The following PRKG2 variants were observed in gnomAD, a reference collection of about 807,000 sequenced individuals.
The protein encoded by PRKG2 is cGMP-dependent protein kinase 2.
PRKG2 carries 33 observed loss-of-function variants against 97.2 expected under a neutral mutation model. That is an observed-to-expected ratio of 0.34 (90% CI 0.26 to 0.45). The LOEUF is 0.45. Ranked by LOEUF, PRKG2 falls within the 20% of genes least tolerant of loss-of-function variation. The pLI, the probability that PRKG2 is intolerant of heterozygous loss-of-function variation, is 1.00. For synonymous variants in PRKG2, 330 were observed against 321.8 expected (o/e 1.03, Z -0.27); for missense variants, 638 against 900.0 (o/e 0.71, Z 3.73).
At chr4:81,133,857 T>TA (rs58792399) in intron 14 of PRKG2, among the ~76,000 whole-genome samples, 27,556 of 151,590 alleles carry the variant, frequency 0.18, 2,966 homozygotes, top group East Asian at 0.44. Context: ...TATTTTTTTT[T>TA]AAAAATAGCT....
At chr4:81,147,400 A>G (rs987777941) in intron 9 of PRKG2, among the ~76,000 whole-genome samples, 11 of 152,184 alleles carry the variant, frequency 7.2e-5, no homozygotes, top group African/African-American at 2.7e-4. Context: ...TATATTTTCC[A>G]TTTGAGAGTT....
At chr4:81,188,215 C>A (rs532831999) in intron 2 of PRKG2, among the ~76,000 whole-genome samples, 1 of 150,620 alleles carries the variant, frequency 6.6e-6, no homozygotes, top group African/African-American at 2.5e-5. Context: ...GGGTGAAGGA[C>A]ATGAACAGAC....
chr4:81,119,674 T>C (rs1487043689), intron 14 of PRKG2, among the ~76,000 whole-genome samples: 1 of 149,430 alleles, frequency 6.7e-6, no homozygotes, highest in Non-Finnish European at 1.5e-5. Context: ...TGAAACTGAA[T>C]TGAATTTTTT....
chr4:81,181,475 A>AAAAAG (rs57202403), intron 2 of PRKG2, among the ~76,000 whole-genome samples: 36,065 of 151,496 alleles, frequency 0.24, 8,334 homozygotes, highest in African/African-American at 0.59. Context: ...AAAAGACTAG[A>AAAAAG]AAAAGTAAGT....
chr4:81,116,278 A>G (rs1744509868), intron 14 of PRKG2, among the ~76,000 whole-genome samples: 1 of 152,186 alleles, frequency 6.6e-6, no homozygotes, highest in Non-Finnish European at 1.5e-5. Flanking sequence ...AAGTGAGAAC[A>G]TGCAGTATTT....
chr4:81,158,289 GACAA>G (rs1320051796), intron 6 of PRKG2, among the ~76,000 whole-genome samples: 5 of 147,568 alleles, frequency 3.4e-5, no homozygotes, highest in African/African-American at 1.3e-4. Context: ...ACCAACAACA[GACAA>G]ACAGAGAGCC....
At chr4:81,099,064 C>T (rs570131873) in intron 17 of PRKG2, among the ~76,000 whole-genome samples, 5 of 152,258 alleles carry the variant, frequency 3.3e-5, no homozygotes, top group South Asian at 2.1e-4. Flanking sequence ...TGTCATTGTA[C>T]CTTACAAGTA....
chr4:81,170,304 TGAAA>T (rs1460928403), intron 4 of PRKG2, among the ~76,000 whole-genome samples: 1 of 152,100 alleles, frequency 6.6e-6, no homozygotes, highest in Non-Finnish European at 1.5e-5. Context: ...AAAGAGACTA[TGAAA>T]GAAAGTTTTT....
chr4:81,137,159 C>T (rs1352777313), intron 13 of PRKG2, among the ~76,000 whole-genome samples: 1 of 151,116 alleles, frequency 6.6e-6, no homozygotes, highest in South Asian at 2.1e-4. Context: ...TGGGATAGTT[C>T]ACCTCCTCTC....
intron 7 of PRKG2, 32 bp from the exon 8 acceptor site, chr4:81,152,086 A>G: frequency 6.6e-7 from 1 of 1,514,900 alleles, no homozygotes; most frequent in Middle Eastern, 1.7e-4. Context: ...AAACAGAAAG[A>G]GACTGAAGAA....
At position 81,120,963 on chromosome 4, in the gene PRKG2, TCTC is replaced by T. The variant is rs1454003660; in HGVS notation, c.1777-10355_1777-10353del. Among the ~76,000 whole-genome samples, 6 of 152,308 alleles carry T rather than the reference TCTC, an allele frequency of 3.9e-5. No individual in the cohort carries two copies. In the East Asian group the frequency reaches 1.2e-3, roughly 29 times the overall value. ...ATATTCTTTATCATGTCGAGAAAGT[TCTC>T]CTCTGTTCCTAGTTTACTGAGAGTT... On this transcript the variant is annotated intron_variant, in intron 14 of 18. Transcript: ENST00000264399.
intron 4 of PRKG2, 55 bp downstream of exon 4, chr4:81,171,636 A>T: frequency 7.2e-7 from 1 of 1,385,722 alleles, no homozygotes; most frequent in Admixed American, 2.0e-5. Flanking sequence ...ACTGGACTAG[A>T]TTATCTTTAA....
chr4:81,172,318 T>A (rs1750554670), intron 3 of PRKG2, among the ~76,000 whole-genome samples: 1 of 152,098 alleles, frequency 6.6e-6, no homozygotes, highest in African/African-American at 2.4e-5. Flanking sequence ...GAGAAATTGT[T>A]CACAATGATG....
In PRKG2 at chr4:81,153,756, G is replaced by A. The variant is rs761634409; in HGVS notation, c.913-35C>T. 1.3e-5 allele frequency: 20 copies of A among 1,515,092 alleles called. No individual in the cohort carries two copies. In the Admixed American group the frequency reaches 2.5e-4, roughly 19 times the overall value. 93.9% of individuals were successfully genotyped at this position (1,515,092 alleles called of 1,614,324 possible). A position where few individuals can be genotyped will look rare whatever the true frequency, so the allele number is the denominator to read the frequency against. The stretch of plus-strand genomic sequence containing the variant: ...TGAGAGAGAAAGAAAATGTAAGAGC[G>A]GGTGGAGCCAAGATGGCCTAATAGG... On this transcript the variant is annotated intron_variant, in intron 6 of 18. Transcript: ENST00000264399.
chr4:81,110,727 G>GCACACA (rs145649671), intron 14 of PRKG2, 116 bp from the exon 15 acceptor site: 23 of 741,928 alleles, frequency 3.1e-5, no homozygotes, highest in African/African-American at 1.2e-4. Flanking sequence ...TTTATACCAT[G>GCACACA]CACACACACA....
chr4:81,137,599 T>C, intron 12 of PRKG2, 117 bp from the exon 13 acceptor site: 1 of 771,692 alleles, frequency 1.3e-6, no homozygotes, highest in South Asian at 1.7e-5. Context: ...TCCATATAAA[T>C]ACCCCACAAC....
At chr4:81,150,350 T>C (rs895187860) in intron 8 of PRKG2, among the ~76,000 whole-genome samples, 15 of 152,302 alleles carry the variant, frequency 9.8e-5, no homozygotes, top group African/African-American at 2.6e-4. Context: ...GTGCCATAGA[T>C]TTATTTTTGC....
intron 12 of PRKG2, among the ~76,000 whole-genome samples, chr4:81,139,178 A>G (rs1263439905): frequency 6.6e-6 from 1 of 152,182 alleles, no homozygotes; most frequent in Non-Finnish European, 1.5e-5. Flanking sequence ...TACAGAAAGA[A>G]TAACTATTAG....
intron 12 of PRKG2, among the ~76,000 whole-genome samples, chr4:81,138,088 T>C (rs1449037827): frequency 6.6e-6 from 1 of 152,158 alleles, no homozygotes; most frequent in Non-Finnish European, 1.5e-5. Flanking sequence ...TCTGCAGTTG[T>C]TGGATGCATG....
Sources: allele counts gnomAD v4.1 joint callset (sites outside exome capture counted in the v4.1 genomes callset), GRCh38; gene constraint gnomAD v4.1.1; transcripts MANE v1.5; gene names NCBI Gene and HGNC (gene_info 2026-07-23, HGNC 2026-07-21).